ROBO1: variants seen among roughly 807,000 people sequenced by gnomAD.
ROBO1 encodes roundabout guidance receptor 1.
ROBO1 carries 149 observed loss-of-function variants against 195.9 expected under a neutral mutation model. That is an observed-to-expected ratio of 0.76 (90% CI 0.67 to 0.87). The LOEUF (loss-of-function observed/expected upper bound fraction) is 0.87. Among genes scored for constraint, ROBO1 ranks in the 40% least tolerant of loss-of-function variants. The pLI is 0.00. For synonymous variants in ROBO1, 816 were observed against 733.2 expected (o/e 1.11, Z -1.82); for missense variants, 1,933 against 2,068.3 (o/e 0.93, Z 1.27).
chr3:78,941,655 A>T (rs1371966092), intron 3 of ROBO1, among the ~76,000 whole-genome samples: 1 of 152,188 alleles, frequency 6.6e-6, no homozygotes, highest in African/African-American at 2.4e-5. Flanking sequence ...TTGAAGAATG[A>T]GTCAGAAACG....
intron 1 of ROBO1, among the ~76,000 whole-genome samples, chr3:79,737,000 G>C (rs931769289): frequency 6.6e-6 from 1 of 152,078 alleles, no homozygotes; most frequent in African/African-American, 2.4e-5. Flanking sequence ...TTTTGTACTG[G>C]ATGTATTGCT....
intron 4 of ROBO1, among the ~76,000 whole-genome samples, chr3:78,906,112 A>T (rs1057481597): frequency 6.6e-5 from 10 of 152,072 alleles, no homozygotes; most frequent in Non-Finnish European, 7.4e-5. Context: ...TTCTTATTTC[A>T]GAATCCTACG....
At chr3:79,704,147 A>G (rs1444462091) in intron 1 of ROBO1, among the ~76,000 whole-genome samples, 4 of 151,950 alleles carry the variant, frequency 2.6e-5, no homozygotes, top group African/African-American at 7.2e-5. Flanking sequence ...ACACAGGCAT[A>G]GCCTCCCGGA....
intron 4 of ROBO1, among the ~76,000 whole-genome samples, chr3:78,796,530 T>A (rs1347459843): frequency 6.9e-5 from 10 of 145,446 alleles, no homozygotes; most frequent in African/African-American, 2.6e-4. Flanking sequence ...CACAAGTATC[T>A]TAAACTCATT....
rs112511328 is a variant in ROBO1, at chr3:78,690,469, C to T, written c.1046-1697G>A. On this transcript the variant is annotated intron_variant, in intron 8 of 30. Coordinates refer to ENST00000464233, the MANE Select transcript of ROBO1 (RefSeq NM_002941.4). ...GTTCTAGCTTATAATTTTTTTAAAA[C>T]TGTGATTGTAATTGAATGGCTTACT... Among the ~76,000 whole-genome samples, 441 of 152,030 alleles carry T rather than the reference C, an allele frequency of 2.9e-3. 3 individuals carry two copies. The highest frequency in any genetic ancestry group is 9.9e-3 in the African/African-American group (412 of 41,520).
intron 3 of ROBO1, among the ~76,000 whole-genome samples, chr3:79,002,383 C>T (rs541937528): frequency 3.9e-5 from 6 of 152,186 alleles, no homozygotes; most frequent in African/African-American, 1.2e-4. Flanking sequence ...CAATATTTTG[C>T]TGCTTTCTTG....
At chr3:78,624,581 G>A (rs1704644434) in intron 26 of ROBO1, among the ~76,000 whole-genome samples, 2 of 152,000 alleles carry the variant, frequency 1.3e-5, no homozygotes, top group East Asian at 1.9e-4. Context: ...ATAGACAGTA[G>A]GTCAACTCCA....
At chr3:78,845,500 T>G (rs2033600649) in intron 4 of ROBO1, among the ~76,000 whole-genome samples, 2 of 152,170 alleles carry the variant, frequency 1.3e-5, no homozygotes, top group African/African-American at 4.8e-5. Context: ...GTGTGATATC[T>G]ACGTGTGTGT....
At chr3:79,404,065 C>A (rs1218749927) in intron 2 of ROBO1, among the ~76,000 whole-genome samples, 1 of 151,970 alleles carries the variant, frequency 6.6e-6, no homozygotes, top group Admixed American at 6.6e-5. Context: ...GAGTTTTAAC[C>A]TTTCCATATG....
At chr3:79,197,883 G>GTT (rs71631638) in intron 2 of ROBO1, among the ~76,000 whole-genome samples, 32 of 145,292 alleles carry the variant, frequency 2.2e-4, no homozygotes, top group Non-Finnish European at 3.8e-4. Flanking sequence ...TTTTTGATGG[G>GTT]TTTTTTTTTT....
At chr3:79,079,455 AAAAACAGTT>A (rs1296592142) in intron 3 of ROBO1, among the ~76,000 whole-genome samples, 7 of 151,870 alleles carry the variant, frequency 4.6e-5, no homozygotes, top group Non-Finnish European at 1.0e-4. Flanking sequence ...TGAATGAATT[AAAAACAGTT>A]ACGAGTGAAA....
intron 4 of ROBO1, among the ~76,000 whole-genome samples, chr3:78,806,994 G>A (rs956009311): frequency 6.6e-6 from 1 of 151,986 alleles, no homozygotes; most frequent in Non-Finnish European, 1.5e-5. Flanking sequence ...TTTTAGTAGA[G>A]ATGGGGTTTC....
chr3:79,244,444 G>A (rs765186799), intron 2 of ROBO1, among the ~76,000 whole-genome samples: 4 of 152,070 alleles, frequency 2.6e-5, no homozygotes, highest in Non-Finnish European at 5.9e-5. Flanking sequence ...ATACCCCCAG[G>A]ATGGTTTTTA....
At chr3:79,648,051 ATTT>A in intron 1 of ROBO1, among the ~76,000 whole-genome samples, 1 of 152,070 alleles carries the variant, frequency 6.6e-6, no homozygotes, top group Admixed American at 6.6e-5. Flanking sequence ...ATGTCTTTTC[ATTT>A]AAAGTTACAG....
chr3:79,306,004 A>G (rs1338425280), intron 2 of ROBO1, among the ~76,000 whole-genome samples: 1 of 152,238 alleles, frequency 6.6e-6, no homozygotes, highest in African/African-American at 2.4e-5. Context: ...CCAAAAGGCA[A>G]TTGAAACAGA....
chr3:79,503,917 CTTA>C (rs1480161583), intron 2 of ROBO1, among the ~76,000 whole-genome samples: 1 of 152,094 alleles, frequency 6.6e-6, no homozygotes, highest in Non-Finnish European at 1.5e-5. Flanking sequence ...GTTTCATATT[CTTA>C]TTATCTACAT....
Position 78,983,757 on chromosome 3 carries a change from A to G in ROBO1, c.173-44830T>C, listed in dbSNP as rs549453237. On this transcript the variant is annotated intron_variant, in intron 3 of 30. Transcript: ENST00000464233. ...AGGATGTGACCACTGTCACCTATAA[A>G]TACAAATATTTGAGTACTTAAGTAC... Among the ~76,000 whole-genome samples the G allele has an allele frequency of 1.1e-4, 17 of 152,312 alleles. No individual in the cohort carries two copies. In the East Asian group the frequency reaches 3.1e-3, roughly 28 times the overall value.
rs114057419 is a variant in ROBO1, at chr3:79,404,566, T to G, written c.88+185258A>C. On this transcript the variant is annotated intron_variant, in intron 2 of 30. Transcript: ENST00000464233. ...GTGAAGAAATGCAAGAAAACAAAGT[T>G]GCTTTTATGTGTTAAGAGCAAATAA... Among the ~76,000 whole-genome samples, 698 of 152,270 alleles carry G rather than the reference T, an allele frequency of 4.6e-3. 2 individuals are homozygous for G. The highest frequency in any genetic ancestry group is 0.014 in the African/African-American group (583 of 41,572).
chr3:79,179,779 CA>C (rs1267826442), intron 2 of ROBO1, among the ~76,000 whole-genome samples: 9 of 152,126 alleles, frequency 5.9e-5, no homozygotes, highest in Non-Finnish European at 1.3e-4. Context: ...TTATGGGAAA[CA>C]TTAAGAGTAA....
Sources: allele counts gnomAD v4.1 joint callset (sites outside exome capture counted in the v4.1 genomes callset), GRCh38; gene constraint gnomAD v4.1.1; transcripts MANE v1.5; gene names NCBI Gene and HGNC (gene_info 2026-07-23, HGNC 2026-07-21).